The following GPC5 variants were observed in gnomAD, a reference collection of about 807,000 sequenced individuals.
GPC5 encodes glypican-5.
A neutral mutation model predicts 53.9 loss-of-function variants in GPC5; 47 were observed. The ratio of observed to expected loss-of-function variants is 0.87; its 90% CI spans 0.69 to 1.11. The LOEUF (loss-of-function observed/expected upper bound fraction) is 1.11, where lower values mean the gene tolerates loss of function less well. Among genes scored for constraint, GPC5 ranks in the 50% most tolerant of loss-of-function variants. GPC5 has a pLI of 0.00. For synonymous variants in GPC5, 286 were observed against 263.3 expected (o/e 1.09, Z -0.84); for missense variants, 748 against 713.1 (o/e 1.05, Z -0.56).
At chr13:91,850,421 G>A (rs2038899634) in intron 5 of GPC5, among the ~76,000 whole-genome samples, 1 of 152,036 alleles carries the variant, frequency 6.6e-6, no homozygotes, top group South Asian at 2.1e-4. Context: ...CCACTAAAGG[G>A]ATTTAATGCT....
At chr13:92,421,908 T>A (rs1876585496) in intron 7 of GPC5, among the ~76,000 whole-genome samples, 1 of 151,872 alleles carries the variant, frequency 6.6e-6, no homozygotes, top group Admixed American at 6.6e-5. Flanking sequence ...ATAACAGCAC[T>A]GTCTCTCTTT....
At chr13:92,426,610 T>C (rs113846952) in intron 7 of GPC5, among the ~76,000 whole-genome samples, 4 of 152,176 alleles carry the variant, frequency 2.6e-5, no homozygotes, top group African/African-American at 9.6e-5. Flanking sequence ...AAAAGAGCAA[T>C]GAGAATCTTT....
chr13:92,627,199 A>G (rs1158178043), intron 7 of GPC5, among the ~76,000 whole-genome samples: 1 of 152,146 alleles, frequency 6.6e-6, no homozygotes, highest in Admixed American at 6.5e-5. Context: ...TTGTCAGACT[A>G]TTTTCCTTCT....
At chr13:91,812,179 A>G (rs2038322671) in intron 5 of GPC5, among the ~76,000 whole-genome samples, 1 of 152,230 alleles carries the variant, frequency 6.6e-6, no homozygotes, top group Non-Finnish European at 1.5e-5. Flanking sequence ...AAATTAGCAG[A>G]TTCAGACAAA....
intron 7 of GPC5, among the ~76,000 whole-genome samples, chr13:92,581,064 GT>G (rs1883352746): frequency 6.6e-6 from 1 of 152,008 alleles, no homozygotes; most frequent in South Asian, 2.1e-4. Context: ...ATTCTTATCT[GT>G]TTGTTGTGGG....
At chr13:92,603,180 A>G (rs954608449) in intron 7 of GPC5, among the ~76,000 whole-genome samples, 2 of 152,242 alleles carry the variant, frequency 1.3e-5, no homozygotes, top group African/African-American at 4.8e-5. Context: ...CTCAATTCCA[A>G]TAACTCAGTT....
intron 2 of GPC5, among the ~76,000 whole-genome samples, chr13:91,606,156 T>C (rs1261660938): frequency 1.4e-5 from 2 of 145,222 alleles, no homozygotes; most frequent in Admixed American, 1.4e-4. Context: ...TGAGAGTTTT[T>C]AGCATGAAGG....
chr13:92,120,266 A>G (rs1437646384), intron 6 of GPC5, among the ~76,000 whole-genome samples: 1 of 152,230 alleles, frequency 6.6e-6, no homozygotes, highest in Non-Finnish European at 1.5e-5. Flanking sequence ...TTTCTTTTTA[A>G]TGACTATCTT....
intron 7 of GPC5, among the ~76,000 whole-genome samples, chr13:92,742,653 G>T (rs566850596): frequency 1.8e-4 from 28 of 152,028 alleles, no homozygotes; most frequent in Non-Finnish European, 3.1e-4. Context: ...CGAAGTCCTT[G>T]CCCATGCCTA....
chr13:92,575,375 T>C (rs1883158334), intron 7 of GPC5, among the ~76,000 whole-genome samples: 1 of 152,134 alleles, frequency 6.6e-6, no homozygotes, highest in African/African-American at 2.4e-5. Context: ...AGGCCATTCA[T>C]GCAGTGAGAA....
intron 5 of GPC5, among the ~76,000 whole-genome samples, chr13:91,777,975 T>C (rs1473535339): frequency 1.3e-5 from 2 of 152,102 alleles, no homozygotes; most frequent in Non-Finnish European, 2.9e-5. Context: ...AGTCAGGTCA[T>C]CTCTGCCCCT....
intron 2 of GPC5, among the ~76,000 whole-genome samples, chr13:91,529,410 T>C (rs1481915620): frequency 6.6e-6 from 1 of 152,204 alleles, no homozygotes; most frequent in Non-Finnish European, 1.5e-5. Flanking sequence ...ATACAAGCTT[T>C]GGAATGATAC....
At chr13:92,014,222 T>C (rs2040687405) in intron 6 of GPC5, among the ~76,000 whole-genome samples, 1 of 152,208 alleles carries the variant, frequency 6.6e-6, no homozygotes, top group African/African-American at 2.4e-5. Flanking sequence ...TGACTATAGA[T>C]ACAAAAGTCA....
intron 6 of GPC5, among the ~76,000 whole-genome samples, chr13:92,022,871 C>G (rs1167164525): frequency 6.6e-6 from 1 of 151,886 alleles, no homozygotes; most frequent in Non-Finnish European, 1.5e-5. Context: ...AATAATTACT[C>G]AAATATTTGT....
chr13:91,629,658 A>AT (rs1314430390), intron 2 of GPC5, among the ~76,000 whole-genome samples: 3 of 151,922 alleles, frequency 2.0e-5, no homozygotes, highest in Admixed American at 6.6e-5. Flanking sequence ...ATATGTATAT[A>AT]TTTTTTTTCA....
chr13:92,599,011 ACTGT>A (rs1167573832), intron 7 of GPC5, among the ~76,000 whole-genome samples: 1 of 152,218 alleles, frequency 6.6e-6, no homozygotes, highest in Non-Finnish European at 1.5e-5. Flanking sequence ...TCTATTTAGT[ACTGT>A]CTAATAATAG....
At chr13:92,557,646 G>T (rs1043125818) in intron 7 of GPC5, among the ~76,000 whole-genome samples, 1 of 151,798 alleles carries the variant, frequency 6.6e-6, no homozygotes, top group Non-Finnish European at 1.5e-5. Flanking sequence ...AACATTTATT[G>T]AACATCTACT....
intron 7 of GPC5, among the ~76,000 whole-genome samples, chr13:92,639,038 G>A (rs947076419): frequency 6.6e-6 from 1 of 152,126 alleles, no homozygotes; most frequent in Non-Finnish European, 1.5e-5. Context: ...AGGGGGGCAT[G>A]TTGCATAGTA....
intron 1 of GPC5, among the ~76,000 whole-genome samples, chr13:91,437,323 T>C (rs928335028): frequency 6.6e-6 from 1 of 152,248 alleles, no homozygotes; most frequent in Admixed American, 6.5e-5. Flanking sequence ...CAGTGGCTGG[T>C]ACCAATTGTT....
Sources: allele counts gnomAD v4.1 joint callset (sites outside exome capture counted in the v4.1 genomes callset), GRCh38; gene constraint gnomAD v4.1.1; transcripts MANE v1.5; gene names NCBI Gene and HGNC (gene_info 2026-07-23, HGNC 2026-07-21).